The following MAST4 variants were observed in gnomAD, a reference collection of about 807,000 sequenced individuals.
MAST4 encodes microtubule-associated serine/threonine-protein kinase 4.
In MAST4, 89 loss-of-function variants were observed where a neutral mutation model predicts 162.7. The observed-to-expected ratio is 0.55, with a 90% confidence interval of 0.46 to 0.65. The LOEUF is 0.65. MAST4 is among the 30% of genes least tolerant of loss of function. The pLI is 0.00. For synonymous variants in MAST4, 1,479 were observed against 1,361.1 expected, an observed-to-expected ratio of 1.09 and a Z score of -1.91; for missense variants, 3,153 against 3,374.0, an observed-to-expected ratio of 0.93 and a Z score of 1.62.
chr5:66,885,039 C>A (rs1421340027), intron 3 of MAST4, among the ~76,000 whole-genome samples: 1 of 152,184 alleles, frequency 6.6e-6, no homozygotes, highest in Non-Finnish European at 1.5e-5. Flanking sequence ...GTTTTATTTA[C>A]TGTGGGAATT....
At chr5:67,092,202 TGAG>T (rs1040907342) in intron 6 of MAST4, among the ~76,000 whole-genome samples, 4 of 152,194 alleles carry the variant, frequency 2.6e-5, no homozygotes, top group Non-Finnish European at 5.9e-5. Context: ...TTAGTCCAAT[TGAG>T]GAAATATTGC....
chr5:66,751,316 G>T (rs1052208797), intron 1 of MAST4, among the ~76,000 whole-genome samples: 7 of 152,226 alleles, frequency 4.6e-5, no homozygotes, highest in African/African-American at 1.7e-4. Context: ...GACGAGCTGA[G>T]AGAAGAAGGC....
chr5:67,061,028 G>C (rs1759511708), intron 5 of MAST4, among the ~76,000 whole-genome samples: 1 of 152,140 alleles, frequency 6.6e-6, no homozygotes, highest in Non-Finnish European at 1.5e-5. Context: ...GATTATAACA[G>C]TAAAGCTAAT....
intron 1 of MAST4, among the ~76,000 whole-genome samples, chr5:66,621,500 A>T (rs1160665180): frequency 6.6e-6 from 1 of 152,224 alleles, no homozygotes; most frequent in Non-Finnish European, 1.5e-5. Flanking sequence ...CTTGAAAGGC[A>T]TTAGCCATAT....
chr5:67,027,940 C>A (rs1754858455), intron 4 of MAST4, among the ~76,000 whole-genome samples: 1 of 152,120 alleles, frequency 6.6e-6, no homozygotes, highest in African/African-American at 2.4e-5. Flanking sequence ...TGAGCACCTT[C>A]CATGTGTTAG....
intron 1 of MAST4, among the ~76,000 whole-genome samples, chr5:66,744,924 G>A (rs1451045588): frequency 2.0e-5 from 3 of 152,120 alleles, no homozygotes; most frequent in Non-Finnish European, 4.4e-5. Flanking sequence ...TTCGATGCAT[G>A]TTATTGAACA....
At position 67,166,291 on chromosome 5, in the gene MAST4, G is replaced by A; in HGVS notation, c.7112G>A (p.Gly2371Glu). ...PAANTDRRAE[G>E]KKCTEALYAP... ...GCCAACACCGACAGAAGGGCGGAAG[G>A]GAAGAAATGCACTGAAGCACTTTAT... The change falls in exon 29 of 29, where the codon GGG becomes GAG. Residue 2371 changes from glycine (G) to glutamate (E), a missense_variant. Physicochemically the swap from Gly to Glu is moderately conservative, Grantham distance 98. This residue lies in a region of MAST4 where 1,644 missense variants were observed against 1,495.0 expected (regional missense o/e 1.10). Transcript: ENST00000403625. 1 of 1,563,738 alleles carries A rather than the reference G, an allele frequency of 6.4e-7. No individual in the cohort carries two copies.
intron 1 of MAST4, among the ~76,000 whole-genome samples, chr5:66,739,203 A>G (rs1209710617): frequency 1.3e-5 from 2 of 152,316 alleles, no homozygotes; most frequent in East Asian, 3.9e-4. Context: ...GAAATGGCAC[A>G]TAGTTCTCAT....
In MAST4 at chr5:66,965,951, A is replaced by G. The variant is rs139740448; in HGVS notation, c.674+65969A>G. The stretch of plus-strand genomic sequence containing the variant: ...AAACTCCAATGAGGATGCTAGTACA[A>G]TCTATAATGAGTAACAGGTCTGGGA... On this transcript the variant is annotated intron_variant, in intron 4 of 28. Coordinates refer to ENST00000403625, the MANE Select transcript of MAST4 (RefSeq NM_001164664.2). 2.0e-3 allele frequency among the ~76,000 whole-genome samples: 301 copies of G among 152,342 alleles called. 7 individuals carry two copies. Among genetic ancestry groups the G allele is most frequent in the Admixed American group, 0.018 (280 of 15,290 alleles).
chr5:67,063,492 G>T lies in MAST4; in HGVS notation c.763+9000G>T, dbSNP rs146913876. On this transcript the variant is annotated intron_variant, in intron 5 of 28. Transcript: ENST00000403625. ...ATTGTTCATATTTCCCTAATCTCTG[G>T]GTGTAAGAGAATTTAATCTGAATGG... Among the ~76,000 whole-genome samples the T allele has an allele frequency of 4.4e-3, 670 of 151,882 alleles. 5 individuals carry two copies. Among genetic ancestry groups the T allele is most frequent in the African/African-American group, 0.014 (574 of 41,368 alleles).
chr5:67,166,624 C>CCT lies in MAST4; in HGVS notation c.7448_7449dup (p.Ser2484LeufsTer33). 1 of 1,601,456 alleles carries CCT rather than the reference C, an allele frequency of 6.2e-7. No individual in the cohort carries two copies. The highest frequency in any genetic ancestry group is 1.1e-5 in the South Asian group (1 of 88,688). On this transcript the variant is annotated frameshift_variant, in exon 29 of 29. Transcript: ENST00000403625. LOFTEE classifies it low-confidence loss of function (END_TRUNC). The stretch of plus-strand genomic sequence containing the variant: ...GAGGCCTCTGCAGCCAGCAGCGACA[C>CCT]CTCTTCTGCCAAGGCCGCCGGGGGC...
intron 26 of MAST4, among the ~76,000 whole-genome samples, chr5:67,157,949 A>G (rs1379008885): frequency 2.0e-5 from 3 of 152,236 alleles, no homozygotes; most frequent in African/African-American, 7.2e-5. Context: ...TGTATTAGAA[A>G]AGAGTGGAAC....
intron 14 of MAST4, among the ~76,000 whole-genome samples, chr5:67,127,527 G>T (rs1768404960): frequency 6.6e-6 from 1 of 152,124 alleles, no homozygotes; most frequent in South Asian, 2.1e-4. Context: ...TTTTGGTGAT[G>T]GATTACGTTT....
intron 4 of MAST4, among the ~76,000 whole-genome samples, chr5:67,050,881 C>G (rs1758090255): frequency 6.6e-6 from 1 of 152,130 alleles, no homozygotes; most frequent in South Asian, 2.1e-4. Flanking sequence ...AGTGGTTAGT[C>G]TCATGTTGGG....
At chr5:66,806,247 T>A (rs1003915172) in intron 3 of MAST4, among the ~76,000 whole-genome samples, 2 of 152,222 alleles carry the variant, frequency 1.3e-5, no homozygotes, top group Non-Finnish European at 2.9e-5. Flanking sequence ...TTGGATTCCT[T>A]ACCCTGTCAG....
At chr5:66,736,324 T>TC (rs1752152057) in intron 1 of MAST4, among the ~76,000 whole-genome samples, 1 of 151,664 alleles carries the variant, frequency 6.6e-6, no homozygotes, top group Non-Finnish European at 1.5e-5. Flanking sequence ...AATTTTTTTT[T>TC]TTTTTTTTTG....
At chr5:66,752,564 G>A (rs1157360250) in intron 1 of MAST4, among the ~76,000 whole-genome samples, 3 of 144,116 alleles carry the variant, frequency 2.1e-5, no homozygotes, top group Non-Finnish European at 4.5e-5. Flanking sequence ...TTACATAATG[G>A]TAAAGGGATC....
At chr5:66,916,902 C>G in intron 4 of MAST4, 2 of 693,284 alleles carry the variant, frequency 2.9e-6, no homozygotes, top group Non-Finnish European at 5.4e-6. Flanking sequence ...CTCCCTTTCT[C>G]CCCTCCCCAC....
chr5:67,078,009 G>A (rs1464604399), intron 5 of MAST4, among the ~76,000 whole-genome samples: 1 of 152,142 alleles, frequency 6.6e-6, no homozygotes, highest in African/African-American at 2.4e-5. Flanking sequence ...TGAGGCAGGA[G>A]AATCGCTTGA....
Sources: allele counts gnomAD v4.1 joint callset (sites outside exome capture counted in the v4.1 genomes callset), GRCh38; gene constraint gnomAD v4.1.1; regional missense constraint gnomAD v4.1.1; transcripts MANE v1.5; gene names NCBI Gene and HGNC (gene_info 2026-07-23, HGNC 2026-07-21).